Variants in SLC25A26 observed in about 807,000 individuals in gnomAD.
The protein encoded by SLC25A26 is solute carrier family 25 member 26.
A neutral mutation model predicts 37.8 loss-of-function variants in SLC25A26; 36 were observed. That is an observed-to-expected ratio of 0.95 (90% confidence interval 0.73 to 1.26). SLC25A26 has a LOEUF of 1.26. Ranked by LOEUF, SLC25A26 falls within the 50% of genes most tolerant of loss-of-function variation. SLC25A26 has a pLI of 0.00. For missense variants in SLC25A26, 390 were observed against 331.1 expected (o/e 1.18, Z -1.38); for synonymous variants, 129 against 122.5 (o/e 1.05, Z -0.35).
At chr3:66,163,232 C>T (rs1263552640) in intron 1 of SLC25A26, among the ~76,000 whole-genome samples, 2 of 152,182 alleles carry the variant, frequency 1.3e-5, no homozygotes, top group Admixed American at 6.5e-5. Flanking sequence ...AGACAAACCA[C>T]GTTCCATATG....
chr3:66,259,114 T>C (rs186718682), intron 3 of SLC25A26, among the ~76,000 whole-genome samples: 4 of 152,218 alleles, frequency 2.6e-5, no homozygotes, highest in Admixed American at 2.6e-4. Flanking sequence ...ACTCCCTTTG[T>C]TTTTCCTAAC....
chr3:66,153,858 C>G (rs76674961), intron 1 of SLC25A26, among the ~76,000 whole-genome samples: 1 of 152,306 alleles, frequency 6.6e-6, no homozygotes, highest in African/African-American at 2.4e-5. Flanking sequence ...GACAGTGTTA[C>G]TGCTTCCAAA....
intron 1 of SLC25A26, among the ~76,000 whole-genome samples, chr3:66,166,689 C>A (rs1476896299): frequency 6.6e-6 from 1 of 152,156 alleles, no homozygotes; most frequent in Admixed American, 6.5e-5. Flanking sequence ...CTTAGCACTC[C>A]CTTTTCCATT....
chr3:66,363,681 T>C (rs1448209381), intron 7 of SLC25A26, among the ~76,000 whole-genome samples: 3 of 152,218 alleles, frequency 2.0e-5, no homozygotes, highest in Non-Finnish European at 4.4e-5. Context: ...AGGAAACTTT[T>C]AGTTGAGATG....
intron 1 of SLC25A26, among the ~76,000 whole-genome samples, chr3:66,194,291 G>A (rs969012613): frequency 2.0e-5 from 3 of 152,320 alleles, no homozygotes; most frequent in East Asian, 3.9e-4. Context: ...TTGCTGGAAA[G>A]CTATTCCATG....
intron 1 of SLC25A26, among the ~76,000 whole-genome samples, chr3:66,210,742 G>A (rs1224843068): frequency 6.6e-6 from 1 of 152,060 alleles, no homozygotes; most frequent in African/African-American, 2.4e-5. Flanking sequence ...TTGAACTCTG[G>A]GGCTCAAGCA....
chr3:66,260,724 G>A (rs1329007815), intron 3 of SLC25A26, among the ~76,000 whole-genome samples: 1 of 152,148 alleles, frequency 6.6e-6, no homozygotes, highest in East Asian at 1.9e-4. Flanking sequence ...GTAGGAGTTG[G>A]CAAGCTGTCA....
chr3:66,212,303 A>G (rs2106839345), intron 1 of SLC25A26, among the ~76,000 whole-genome samples: 1 of 151,638 alleles, frequency 6.6e-6, no homozygotes, highest in Admixed American at 6.6e-5. Flanking sequence ...TTTCATAGAG[A>G]CAAGGCCTTG....
chr3:66,189,159 C>T (rs2070887879), intron 1 of SLC25A26, among the ~76,000 whole-genome samples: 1 of 152,046 alleles, frequency 6.6e-6, no homozygotes, highest in Non-Finnish European at 1.5e-5. Flanking sequence ...CCTTATTTGA[C>T]CTCATTCTTA....
upstream of SLC25A26, among the ~76,000 whole-genome samples, chr3:66,219,109 G>A (rs2071404705): frequency 6.6e-6 from 1 of 152,220 alleles, no homozygotes; most frequent in African/African-American, 2.4e-5. Flanking sequence ...TTCCTAAACT[G>A]TGGGAGTGCC....
intron 9 of SLC25A26, among the ~76,000 whole-genome samples, chr3:66,376,535 A>G (rs1009957961): frequency 1.1e-4 from 16 of 152,212 alleles, no homozygotes; most frequent in African/African-American, 3.9e-4. Context: ...GCTCATGAGC[A>G]TTTTTTAGCA....
chr3:66,281,164 C>G (rs1404115504), intron 5 of SLC25A26, among the ~76,000 whole-genome samples: 1 of 152,132 alleles, frequency 6.6e-6, no homozygotes, highest in Non-Finnish European at 1.5e-5. Context: ...TATGATTAGA[C>G]TCAGGTTAAT....
At chr3:66,304,518 G>A (rs1576835661) in intron 5 of SLC25A26, 1 of 455,660 alleles carries the variant, frequency 2.2e-6, no homozygotes, top group Admixed American at 2.4e-5. Flanking sequence ...TGTGTGGCTT[G>A]TATACATGCT....
chr3:66,296,658 A>G (rs1016006815), intron 5 of SLC25A26, among the ~76,000 whole-genome samples: 2 of 152,204 alleles, frequency 1.3e-5, no homozygotes, highest in African/African-American at 4.8e-5. Context: ...TTTATTAGCT[A>G]AATATTATAT....
intron 1 of SLC25A26, among the ~76,000 whole-genome samples, chr3:66,231,232 C>G (rs141508163): frequency 6.6e-6 from 1 of 152,144 alleles, no homozygotes; most frequent in Non-Finnish European, 1.5e-5. Flanking sequence ...ATTGGTTGAA[C>G]ACTCCAAGGT....
chr3:66,200,238 C>T (rs1259708945), intron 1 of SLC25A26, among the ~76,000 whole-genome samples: 1 of 152,186 alleles, frequency 6.6e-6, no homozygotes, highest in Non-Finnish European at 1.5e-5. Context: ...GATTCTAGCA[C>T]CCTAAAAGGG....
chr3:66,233,548 G>A (rs1208523285), intron 1 of SLC25A26, among the ~76,000 whole-genome samples: 1 of 152,100 alleles, frequency 6.6e-6, no homozygotes, highest in African/African-American at 2.4e-5. Flanking sequence ...TTATAATTAG[G>A]TTGTTACTGG....
At chr3:66,260,973 G>C (rs1001800147) in intron 3 of SLC25A26, among the ~76,000 whole-genome samples, 3 of 152,194 alleles carry the variant, frequency 2.0e-5, no homozygotes, top group Admixed American at 6.5e-5. Context: ...TCCAAATTGA[G>C]TACTGATCTC....
intron 1 of SLC25A26, among the ~76,000 whole-genome samples, chr3:66,134,574 C>T (rs1201480927): frequency 6.6e-6 from 1 of 152,182 alleles, no homozygotes; most frequent in African/African-American, 2.4e-5. Flanking sequence ...CTCAAGTTAC[C>T]TTAATTGCTT....
Sources: gnomAD v4.1 joint callset for allele counts (sites outside exome capture counted in the v4.1 genomes callset) on GRCh38, gnomAD v4.1.1 for gene constraint, MANE v1.5 for transcripts, NCBI Gene and HGNC (gene_info 2026-07-23, HGNC 2026-07-21) for gene names.